MSI2: variants seen among roughly 807,000 people sequenced by gnomAD.
MSI2 encodes RNA-binding protein Musashi homolog 2.
A neutral mutation model predicts 45.6 loss-of-function variants in MSI2; 17 were observed. The ratio of observed to expected loss-of-function variants is 0.37; its 90% CI spans 0.26 to 0.56. The LOEUF (loss-of-function observed/expected upper bound fraction) is 0.56. Ranked by LOEUF, MSI2 falls within the 20% of genes least tolerant of loss-of-function variation. The pLI is 0.77. For synonymous variants in MSI2, 156 were observed against 158.2 expected (o/e 0.99, Z 0.11); for missense variants, 293 against 444.2 (o/e 0.66, Z 3.06).
At chr17:57,535,920 A>G (rs571057611) in intron 7 of MSI2, among the ~76,000 whole-genome samples, 12 of 152,230 alleles carry the variant, frequency 7.9e-5, no homozygotes, top group Non-Finnish European at 1.8e-4. Context: ...TTAAGCTGTG[A>G]TAGAAGATAA....
intron 5 of MSI2, among the ~76,000 whole-genome samples, chr17:57,376,394 T>A (rs902646746): frequency 6.6e-6 from 1 of 152,220 alleles, no homozygotes; most frequent in Non-Finnish European, 1.5e-5. Flanking sequence ...TATTGCCCTC[T>A]CCTTCAGTGC....
intron 5 of MSI2, among the ~76,000 whole-genome samples, chr17:57,305,456 TG>T (rs1307987875): frequency 1.3e-5 from 2 of 152,186 alleles, no homozygotes; most frequent in Non-Finnish European, 2.9e-5. Context: ...ATTAATCTTC[TG>T]GGAAAAAGAA....
chr17:57,420,258 G>T (rs2084370797), intron 6 of MSI2, among the ~76,000 whole-genome samples: 4 of 152,196 alleles, frequency 2.6e-5, no homozygotes, highest in African/African-American at 9.6e-5. Flanking sequence ...ACTTTGGAAT[G>T]AATCATTTCT....
chr17:57,348,484 C>T (rs956491520), intron 5 of MSI2, among the ~76,000 whole-genome samples: 3 of 152,180 alleles, frequency 2.0e-5, no homozygotes, highest in African/African-American at 7.2e-5. Context: ...TCAGGAATGA[C>T]TTAGTGTCAT....
intron 7 of MSI2, among the ~76,000 whole-genome samples, chr17:57,568,897 G>A (rs2087804166): frequency 6.6e-6 from 1 of 152,220 alleles, no homozygotes; most frequent in African/African-American, 2.4e-5. Context: ...GCAGGTAGAA[G>A]TGAACACACC....
At chr17:57,452,556 C>G (rs936135885) in intron 6 of MSI2, among the ~76,000 whole-genome samples, 2 of 152,226 alleles carry the variant, frequency 1.3e-5, no homozygotes, top group Admixed American at 6.5e-5. Context: ...TGCTTCCACT[C>G]TGTACATTAG....
At chr17:57,300,099 G>T (rs1717351644) in intron 5 of MSI2, among the ~76,000 whole-genome samples, 1 of 152,134 alleles carries the variant, frequency 6.6e-6, no homozygotes, top group South Asian at 2.1e-4. Context: ...TTCTGAAACT[G>T]GTATCTAGCT....
At chr17:57,491,157 G>A (rs904811442) in intron 6 of MSI2, among the ~76,000 whole-genome samples, 1 of 152,250 alleles carries the variant, frequency 6.6e-6, no homozygotes, top group Non-Finnish European at 1.5e-5. Context: ...GCATTGGTCA[G>A]TTTATTCGGA....
intron 11 of MSI2, among the ~76,000 whole-genome samples, chr17:57,668,155 C>T (rs967257698): frequency 6.6e-6 from 1 of 152,148 alleles, no homozygotes; most frequent in South Asian, 2.1e-4. Flanking sequence ...GTCGAGATTA[C>T]ACCACTGCAC....
rs74523940 is a variant in MSI2 at position 57,684,089 on chromosome 17, G to A, written c.*4572G>A. On this transcript the variant is annotated 3_prime_UTR_variant, in exon 14 of 14. Transcript: ENST00000284073. ...TTGTCTCAGACAGGATTTCAGTTCC[G>A]GGAGGCAGGGGCATGATGGGGGAGG... 2.0e-4 allele frequency: 45 copies of A among 222,966 alleles called. No individual in the cohort carries two copies. The highest frequency in any genetic ancestry group is 9.2e-4 in the African/African-American group (41 of 44,798). The allele number at this position is 222,966 out of a possible 1,614,324, so 13.8% of individuals were successfully genotyped here. A position where few individuals can be genotyped will look rare whatever the true frequency, so the allele number is the denominator to read the frequency against.
At chr17:57,501,315 C>G (rs1055845618) in intron 6 of MSI2, among the ~76,000 whole-genome samples, 4 of 152,238 alleles carry the variant, frequency 2.6e-5, no homozygotes, top group Non-Finnish European at 5.9e-5. Context: ...AGTTGAGCCC[C>G]TCTGCCAGAC....
intron 6 of MSI2, among the ~76,000 whole-genome samples, chr17:57,441,397 C>T (rs756274401): frequency 5.3e-5 from 8 of 152,212 alleles, no homozygotes; most frequent in Non-Finnish European, 1.2e-4. Flanking sequence ...GCTCTGTCAC[C>T]TCACCACCCT....
rs1000738872 is a variant in MSI2 at position 57,459,006 on chromosome 17, C to T, written c.405+57535C>T. Reference sequence around the variant, plus strand: ...TCAGTGGTTGTTTTGCTGCGTCGCTCGGAAGAATGCCTCCCTCTTTGTAAG... The same window carrying T: ...TCAGTGGTTGTTTTGCTGCGTCGCTTGGAAGAATGCCTCCCTCTTTGTAAG... On this transcript the variant is annotated intron_variant, in intron 6 of 13. Coordinates refer to ENST00000284073, the MANE Select transcript of MSI2 (RefSeq NM_138962.4). Among the ~76,000 whole-genome samples, 2 of 152,198 alleles carry T rather than the reference C, an allele frequency of 1.3e-5. 1 individual carries two copies. Among genetic ancestry groups the T allele is most frequent in the South Asian group, 4.1e-4 (2 of 4,830 alleles).
chr17:57,502,241 G>A (rs1461393855), intron 6 of MSI2, among the ~76,000 whole-genome samples: 1 of 152,230 alleles, frequency 6.6e-6, no homozygotes, highest in East Asian at 1.9e-4. Flanking sequence ...TTGGCACCTG[G>A]TTCTTTACCA....
At chr17:57,310,326 G>A (rs1020997150) in intron 5 of MSI2, among the ~76,000 whole-genome samples, 4 of 149,338 alleles carry the variant, frequency 2.7e-5, no homozygotes, top group African/African-American at 2.6e-5. Context: ...GACCCCTGAA[G>A]GTTGTGTTAT....
chr17:57,445,189 C>A (rs994161954), intron 6 of MSI2, among the ~76,000 whole-genome samples: 2 of 152,104 alleles, frequency 1.3e-5, no homozygotes, highest in African/African-American at 4.8e-5. Context: ...GCCAGGAATG[C>A]GTTTGTGAAA....
At chr17:57,619,530 C>T (rs1411407931) in intron 9 of MSI2, among the ~76,000 whole-genome samples, 3 of 152,168 alleles carry the variant, frequency 2.0e-5, no homozygotes, top group Admixed American at 6.5e-5. Context: ...GCCTTCCATT[C>T]GGAATAAACA....
chr17:57,527,779 C>G (rs2086734785), intron 6 of MSI2, among the ~76,000 whole-genome samples: 1 of 152,218 alleles, frequency 6.6e-6, no homozygotes, highest in Non-Finnish European at 1.5e-5. Flanking sequence ...TTGCCTACCC[C>G]CATCTTCCAT....
chr17:57,540,547 G>T (rs1479481376), intron 7 of MSI2, among the ~76,000 whole-genome samples: 1 of 152,206 alleles, frequency 6.6e-6, no homozygotes, highest in African/African-American at 2.4e-5. Flanking sequence ...GTCTTTGGAG[G>T]TGTAATCGGG....
Sources: allele counts gnomAD v4.1 joint callset (sites outside exome capture counted in the v4.1 genomes callset), GRCh38; gene constraint gnomAD v4.1.1; transcripts MANE v1.5; gene names NCBI Gene and HGNC (gene_info 2026-07-23, HGNC 2026-07-21).